Variants in SRC observed in about 807,000 individuals in gnomAD.
SRC encodes the protein proto-oncogene tyrosine-protein kinase Src.
Under a neutral mutation model 62.9 loss-of-function variants are expected in SRC, and 13 were observed. The ratio of observed to expected loss-of-function variants is 0.21; its 90% CI spans 0.13 to 0.33. SRC has a LOEUF of 0.33. SRC is among the 10% of genes least tolerant of loss of function. SRC has a pLI of 1.00. For missense variants in SRC, 457 were observed against 737.3 expected, an observed-to-expected ratio of 0.62 and a Z score of 4.40; for synonymous variants, 302 against 317.5, an observed-to-expected ratio of 0.95 and a Z score of 0.52.
rs761544195 is a variant in SRC at position 37,401,590 on chromosome 20, C to G, written c.1040-12C>G. On this transcript the variant is annotated splice_polypyrimidine_tract_variant and intron_variant, in intron 10 of 13. Transcript: ENST00000373578. ...CAGGGCAGGAGCTGGAGCTGGGTCT[C>G]TCTCTGCCCAGGGAGTTTGCTGGAC... is the stretch of plus-strand genomic sequence containing the variant. The G allele has an allele frequency of 2.4e-5, 38 of 1,607,208 alleles. No individual in the cohort carries two copies. The highest frequency in any genetic ancestry group is 3.1e-5 in the Non-Finnish European group (37 of 1,176,094).
chr20:37,397,764 G>T lies in SRC; in HGVS notation c.769G>T (p.Gly257Cys). The change falls in exon 9 of 14, where the codon GGC becomes TGC. Residue 257 changes from glycine (G) to cysteine (C), a missense_variant. Around this residue, in one of 4 missense-constraint regions of SRC, gnomAD observed 141 missense variants for 198.4 expected, o/e 0.71. Coordinates refer to ENST00000373578, the MANE Select transcript of SRC (RefSeq NM_198291.3). The surrounding 1 kb of genome is among the most constrained non-coding windows in gnomAD (Gnocchi z 4.1). ...CCCCACGTCCAAGCCGCAGACTCAG[G>T]GCCTGGCCAAGGATGCCTGGGAGAT... Reference protein sequence around the residue: ...VCPTSKPQTQGLAKDAWEIPR... With the variant: ...VCPTSKPQTQCLAKDAWEIPR... 1 of 1,612,340 alleles carries T rather than the reference G, an allele frequency of 6.2e-7. No individual in the cohort carries two copies. The highest frequency in any genetic ancestry group is 1.8e-4 in the Middle Eastern group (1 of 5,642).
At position 37,396,338 on chromosome 20, in the gene SRC, C is replaced by T. The variant is rs201444744; in HGVS notation, c.703+27C>T. The T allele has an allele frequency of 1.3e-4, 216 of 1,603,748 alleles. 1 individual carries two copies. The African/African-American group carries it at 2.3e-3, about 17-fold the overall frequency. The stretch of plus-strand genomic sequence containing the variant: ...TGAGCCAGCCTCGGAGGGCGGAGGG[C>T]GGGCGGGCAAAGCCTCAGCTGCAGA... On this transcript the variant is annotated intron_variant, in intron 8 of 13. Coordinates refer to ENST00000373578, the MANE Select transcript of SRC (RefSeq NM_198291.3). This position sits in a 1 kb window ranked among gnomAD's most constrained non-coding sequence, Gnocchi z 6.1.
At chr20:37,388,908 T>G (rs116525721) in intron 5 of SRC, among the ~76,000 whole-genome samples, 2,583 of 152,202 alleles carry the variant, frequency 0.017, 67 homozygotes, top group African/African-American at 0.059. Flanking sequence ...TGCATGCACG[T>G]CCTTCCTCCA....
chr20:37,373,193 T>A (rs1177513040), intron 2 of SRC, among the ~76,000 whole-genome samples: 1 of 150,084 alleles, frequency 6.7e-6, no homozygotes, highest in African/African-American at 2.5e-5. Context: ...CATGTATACA[T>A]ATATGTACAT....
chr20:37,386,425 C>T, intron 5 of SRC: 1 of 717,742 alleles, frequency 1.4e-6, no homozygotes, highest in Non-Finnish European at 2.6e-6. Flanking sequence ...CTCTCAGCTT[C>T]TCCCTCTCTC....
At chr20:37,367,124 G>T (rs1043061274) in intron 2 of SRC, among the ~76,000 whole-genome samples, 12 of 148,020 alleles carry the variant, frequency 8.1e-5, no homozygotes, top group Non-Finnish European at 3.0e-5. Flanking sequence ...TTGAGACAGG[G>T]TCTCACTCTG....
chr20:37,361,139 G>C (rs1049472181), intron 1 of SRC, among the ~76,000 whole-genome samples: 16 of 152,194 alleles, frequency 1.1e-4, no homozygotes, highest in South Asian at 2.1e-4. Context: ...GGAGCTTAGG[G>C]GGGGAAGAAT....
chr20:37,371,373 A>AT (rs2070163386), intron 2 of SRC, among the ~76,000 whole-genome samples: 2 of 152,132 alleles, frequency 1.3e-5, no homozygotes, highest in African/African-American at 4.8e-5. Flanking sequence ...ACATAGAATT[A>AT]TTCATAGTAG....
intron 1 of SRC, among the ~76,000 whole-genome samples, chr20:37,354,706 G>A (rs1015386744): frequency 1.3e-5 from 2 of 152,170 alleles, no homozygotes; most frequent in Admixed American, 1.3e-4. Flanking sequence ...GGCCTGGTTG[G>A]GAGACTGCAC....
In SRC at chr20:37,370,611, C is replaced by G. The variant is rs192597215; in HGVS notation, c.-173+5334C>G. ...TAAACCGACTTTATATTCCTGACAT[C>G]GGTCTTACTTGGTCATGGCATCTAA... On this transcript the variant is annotated intron_variant, in intron 2 of 13. Transcript: ENST00000373578. Among the ~76,000 whole-genome samples the G allele has an allele frequency of 1.1e-4, 16 of 152,298 alleles. No homozygotes were observed. In the East Asian group the frequency reaches 3.1e-3, roughly 29 times the overall value.
intron 2 of SRC, 53 bp downstream of exon 2, chr20:37,365,330 ACACACACAC>A (rs1568623621): frequency 5.4e-5 from 6 of 110,528 alleles, no homozygotes; most frequent in African/African-American, 2.6e-4. Flanking sequence ...ACACACACAC[ACACACACAC>A]ACACACACAC....
At chr20:37,389,096 G>A (rs1240385354) in intron 5 of SRC, among the ~76,000 whole-genome samples, 1 of 152,168 alleles carries the variant, frequency 6.6e-6, no homozygotes, top group Non-Finnish European at 1.5e-5. Flanking sequence ...GGTCCTCGCA[G>A]TAGCAGACCC....
intron 1 of SRC, among the ~76,000 whole-genome samples, chr20:37,357,055 C>T (rs776049372): frequency 3.3e-5 from 5 of 152,322 alleles, no homozygotes; most frequent in East Asian, 1.9e-4. Context: ...TTGCCCCAGC[C>T]GGCTCGGGGA....
intron 1 of SRC, among the ~76,000 whole-genome samples, chr20:37,352,129 T>C (rs2069812451): frequency 6.6e-6 from 1 of 152,224 alleles, no homozygotes; most frequent in African/African-American, 2.4e-5. Flanking sequence ...CTGTGTATGA[T>C]TGTACAGCTT....
chr20:37,374,980 G>C (rs1302869755), intron 2 of SRC, among the ~76,000 whole-genome samples: 4 of 151,568 alleles, frequency 2.6e-5, no homozygotes, highest in African/African-American at 9.7e-5. Flanking sequence ...ACCCAGGCTG[G>C]AGTGTAGTGC....
intron 1 of SRC, among the ~76,000 whole-genome samples, chr20:37,361,363 A>G (rs1255119627): frequency 2.0e-5 from 3 of 152,054 alleles, no homozygotes; most frequent in Admixed American, 6.5e-5. Context: ...GACCCATTTC[A>G]TGGATGAGTA....
Position 37,403,116 on chromosome 20 carries a change from C to T in SRC, c.1403-55C>T. 1 of 1,479,854 alleles carries T rather than the reference C, an allele frequency of 6.8e-7. No homozygotes were observed. Among genetic ancestry groups the T allele is most frequent in the Non-Finnish European group, 9.0e-7 (1 of 1,111,808 alleles). 91.7% of individuals were successfully genotyped at this position (1,479,854 alleles called of 1,614,324 possible). ...CTCGCTGCCCTCCCCATCAGCTTCC[C>T]CCACCCCACTTTCCTCACCGGAGCC... On this transcript the variant is annotated intron_variant, in intron 13 of 13. Transcript: ENST00000373578. The surrounding 1 kb of genome is among the most constrained non-coding windows in gnomAD (Gnocchi z 7.1).
chr20:37,397,552 A>G lies in SRC; in HGVS notation c.704-147A>G. 9.0e-7 allele frequency: 1 copy of G among 1,107,774 alleles called. No individual in the cohort carries two copies. The highest frequency in any genetic ancestry group is 3.1e-4 in the Middle Eastern group (1 of 3,226). The allele number at this position is 1,107,774 out of a possible 1,614,324, so 68.6% of individuals were successfully genotyped here. ...CCTGTGTGGGGGTGGGGCTGTGTGC[A>G]CACAGATGTAGATGCCTGGCTTTGA... On this transcript the variant is annotated intron_variant, in intron 8 of 13. Transcript: ENST00000373578. The surrounding 1 kb of genome is among the most constrained non-coding windows in gnomAD (Gnocchi z 4.1).
chr20:37,403,149 C>G lies in SRC; in HGVS notation c.1403-22C>G, dbSNP rs1334279303. On this transcript the variant is annotated intron_variant, in intron 13 of 13. Coordinates refer to ENST00000373578, the MANE Select transcript of SRC (RefSeq NM_198291.3). This position sits in a 1 kb window ranked among gnomAD's most constrained non-coding sequence, Gnocchi z 7.1. ...ACTTTCCTCACCGGAGCCGGGCTCC[C>G]CATGCCTCGCTCTGCCCACAGGGAT... 2 of 1,518,746 alleles carry G rather than the reference C, an allele frequency of 1.3e-6. No individual in the cohort carries two copies. 94.1% of individuals were successfully genotyped at this position (1,518,746 alleles called of 1,614,324 possible).
Sources: gnomAD v4.1 joint callset for allele counts (sites outside exome capture counted in the v4.1 genomes callset) on GRCh38, gnomAD v4.1.1 for gene constraint, gnomAD v4.1.1 regional missense constraint, Gnocchi (gnomAD v3.1) non-coding constraint, MANE v1.5 for transcripts, NCBI Gene and HGNC (gene_info 2026-07-23, HGNC 2026-07-21) for gene names.